The following CMSS1 variants were observed in gnomAD, a reference collection of about 807,000 sequenced individuals.
The protein encoded by CMSS1 is protein CMSS1.
CMSS1 carries 33 observed loss-of-function variants against 43.5 expected under a neutral mutation model. The observed-to-expected ratio is 0.76, with a 90% CI of 0.57 to 1.01. The LOEUF is 1.01. Ranked by LOEUF, CMSS1 falls within the 50% of genes least tolerant of loss-of-function variation. The pLI, the probability that CMSS1 is intolerant of heterozygous loss-of-function variation, is 0.00. For synonymous variants in CMSS1, 115 were observed against 117.2 expected (o/e 0.98, Z 0.12); for missense variants, 313 against 326.4 (o/e 0.96, Z 0.32).
intron 1 of CMSS1, among the ~76,000 whole-genome samples, chr3:100,135,829 T>C (rs1205859226): frequency 6.6e-6 from 1 of 152,120 alleles, no homozygotes; most frequent in African/African-American, 2.4e-5. Context: ...ATCTTTTTGT[T>C]CTTAGTACTT....
chr3:99,823,043 G>A (rs901390778), intron 1 of CMSS1, among the ~76,000 whole-genome samples: 4 of 152,044 alleles, frequency 2.6e-5, no homozygotes, highest in Admixed American at 6.5e-5. Context: ...CTTATATTTC[G>A]CATTCTCATT....
At chr3:99,877,038 A>G (rs1705558161) in intron 1 of CMSS1, among the ~76,000 whole-genome samples, 1 of 152,224 alleles carries the variant, frequency 6.6e-6, no homozygotes, top group African/African-American at 2.4e-5. Context: ...TTGAATTAAG[A>G]ATATTATCCT....
intron 1 of CMSS1, among the ~76,000 whole-genome samples, chr3:100,054,120 G>C (rs2065420840): frequency 6.6e-6 from 1 of 152,172 alleles, no homozygotes; most frequent in Non-Finnish European, 1.5e-5. Context: ...AAACATTTGT[G>C]TGCTTTCAAG....
At chr3:100,161,445 T>G (rs2067022543) in intron 3 of CMSS1, among the ~76,000 whole-genome samples, 2 of 152,170 alleles carry the variant, frequency 1.3e-5, no homozygotes, top group Admixed American at 1.3e-4. Flanking sequence ...TAGTCTTGAC[T>G]GAGGTCACAC....
At position 100,180,765 on chromosome 3, in the gene CMSS1, A is replaced by T. The variant is rs2067179853; in HGVS notation, c.*2377A>T. 6.6e-6 allele frequency: 1 copy of T among 152,240 alleles called. No homozygotes were observed. The highest frequency in any genetic ancestry group is 1.5e-5 in the Non-Finnish European group (1 of 68,038). The allele number at this position is 152,240 out of a possible 1,614,324, so 9.4% of individuals were successfully genotyped here. ...AACTTCTCCCCGTTACCCAGTTTCA[A>T]AGTTGCTTCCACATTTTTTAGGTAT... On this transcript the variant is annotated 3_prime_UTR_variant, in exon 10 of 10. Transcript: ENST00000421999.
intron 1 of CMSS1, among the ~76,000 whole-genome samples, chr3:99,948,570 G>A (rs1455934872): frequency 2.1e-5 from 3 of 144,406 alleles, no homozygotes; most frequent in Non-Finnish European, 4.6e-5. Context: ...AGGAGAAGGC[G>A]AAGGAGAAGA....
intron 1 of CMSS1, among the ~76,000 whole-genome samples, chr3:100,021,003 G>A (rs1442917821): frequency 6.6e-6 from 1 of 152,126 alleles, no homozygotes; most frequent in African/African-American, 2.4e-5. Context: ...TTGACCTTGT[G>A]ATCTGCCCGC....
intron 1 of CMSS1, among the ~76,000 whole-genome samples, chr3:99,828,853 C>T (rs1034505010): frequency 4.6e-5 from 7 of 152,070 alleles, no homozygotes; most frequent in African/African-American, 1.7e-4. Context: ...ACTTGACCTC[C>T]CCCTACTGCC....
chr3:100,133,664 A>G (rs145251649), intron 1 of CMSS1, among the ~76,000 whole-genome samples: 60 of 152,316 alleles, frequency 3.9e-4, no homozygotes, highest in African/African-American at 1.2e-3. Context: ...TCTCACCCCC[A>G]TCACGTAAGA....
At chr3:99,930,712 A>T in intron 1 of CMSS1, 3 of 1,589,720 alleles carry the variant, frequency 1.9e-6, no homozygotes, top group Non-Finnish European at 2.6e-6. Context: ...AGGAACACCA[A>T]ATTCACAAGC....
intron 3 of CMSS1, among the ~76,000 whole-genome samples, chr3:100,161,782 C>T (rs1333630729): frequency 6.6e-6 from 1 of 152,070 alleles, no homozygotes; most frequent in Non-Finnish European, 1.5e-5. Context: ...ACTTTAATAC[C>T]ATCAGTTATC....
intron 1 of CMSS1, among the ~76,000 whole-genome samples, chr3:99,976,689 C>T (rs1300262386): frequency 6.6e-6 from 1 of 151,974 alleles, no homozygotes; most frequent in Non-Finnish European, 1.5e-5. Context: ...TTTTAGTTTT[C>T]AGTAGTTTCA....
intron 4 of CMSS1, among the ~76,000 whole-genome samples, chr3:100,163,344 A>G (rs1041118772): frequency 1.3e-5 from 2 of 152,182 alleles, no homozygotes; most frequent in African/African-American, 4.8e-5. Flanking sequence ...TTAGAATAGT[A>G]TTTTAGGTTG....
intron 1 of CMSS1, among the ~76,000 whole-genome samples, chr3:99,838,426 T>A (rs1209432294): frequency 6.6e-6 from 1 of 152,142 alleles, no homozygotes; most frequent in Non-Finnish European, 1.5e-5. Context: ...TCAGTGTGGG[T>A]CTTACTTCAC....
At chr3:100,156,299 C>CTTTTTTTTTT (rs34413816) in intron 2 of CMSS1, among the ~76,000 whole-genome samples, 18 of 73,108 alleles carry the variant, frequency 2.5e-4, no homozygotes, top group East Asian at 4.2e-4. Context: ...AATTTTTTTT[C>CTTTTTTTTTT]TTTTTTTTTT....
Position 100,162,392 on chromosome 3 carries a change from C to G in CMSS1, c.315C>G (p.Ser105Arg). Residue 105 changes from serine to arginine, a missense_variant, in exon 4 of 10, where the codon AGC (serine) becomes AGG (arginine). Coordinates refer to ENST00000421999, the MANE Select transcript of CMSS1 (RefSeq NM_032359.4). ...LQKLMKDYYS[S>R]RRLVIELEEL... ...AGCTGATGAAGGACTATTATAGCAGCAGACGCTTGGTGATTGAATTAGAAG... is the reference window on the plus strand; with the variant it reads ...AGCTGATGAAGGACTATTATAGCAGGAGACGCTTGGTGATTGAATTAGAAG... 6 of 1,613,322 alleles carry G rather than the reference C, an allele frequency of 3.7e-6. No homozygotes were observed. The highest frequency in any genetic ancestry group is 5.1e-6 in the Non-Finnish European group (6 of 1,179,450).
intron 1 of CMSS1, among the ~76,000 whole-genome samples, chr3:100,121,414 A>G (rs568960830): frequency 7.2e-5 from 11 of 152,192 alleles, no homozygotes; most frequent in Non-Finnish European, 1.5e-4. Flanking sequence ...TGCAAAGGAC[A>G]TGAACTCATC....
chr3:99,848,953 G>C, intron 1 of CMSS1: 1 of 1,614,142 alleles, frequency 6.2e-7, no homozygotes, highest in African/African-American at 1.3e-5. Context: ...TACATGGTCT[G>C]GAGTAACCTT....
Position 100,147,126 on chromosome 3 carries a change from A to G in CMSS1, c.153+65A>G, listed in dbSNP as rs944220805. 1.8e-5 allele frequency: 28 copies of G among 1,569,604 alleles called. No homozygotes were observed. The East Asian group carries it at 3.4e-4, about 19-fold the overall frequency. On this transcript the variant is annotated intron_variant, in intron 2 of 9. Transcript: ENST00000421999. Reference sequence around the variant, plus strand: ...TGAAATCAGCCTTTTCCTCCTCTCTATTGAACTCCCCATGTCCTAATATCG... The same window carrying G: ...TGAAATCAGCCTTTTCCTCCTCTCTGTTGAACTCCCCATGTCCTAATATCG...
Sources: allele counts gnomAD v4.1 joint callset (sites outside exome capture counted in the v4.1 genomes callset), GRCh38; gene constraint gnomAD v4.1.1; transcripts MANE v1.5; gene names NCBI Gene and HGNC (gene_info 2026-07-23, HGNC 2026-07-21).